WWC2: variants seen among roughly 807,000 people sequenced by gnomAD.
WWC2 encodes protein WWC2.
WWC2 carries 101 observed loss-of-function variants against 138.5 expected under a neutral mutation model. That is an observed-to-expected ratio of 0.73 (90% CI 0.62 to 0.86). WWC2 has a LOEUF of 0.86. Ranked by LOEUF, WWC2 falls within the 40% of genes least tolerant of loss-of-function variation. WWC2 has a pLI of 0.00. For synonymous variants in WWC2, 558 were observed against 538.4 expected (o/e 1.04, Z -0.50); for missense variants, 1,420 against 1,419.4 (o/e 1.00, Z -0.01).
In WWC2 at chr4:183,261,170, A is replaced by G; in HGVS notation, c.1547A>G (p.Gln516Arg). 1 of 1,613,866 alleles carries G rather than the reference A, an allele frequency of 6.2e-7. No homozygotes were observed. The highest frequency in any genetic ancestry group is 8.5e-7 in the Non-Finnish European group (1 of 1,179,830). The part of the protein sequence containing the change: ...HENEVVKSPS[Q>R]PGQSGLCGVA... Reference sequence around the variant, plus strand: ...AACGAGGTGGTCAAGTCCCCTAGCCAGCCTGGCCAGAGTGGACTCTGTGGA... The same window carrying G: ...AACGAGGTGGTCAAGTCCCCTAGCCGGCCTGGCCAGAGTGGACTCTGTGGA... Residue 516 changes from glutamine (Q) to arginine (R), a missense_variant, in exon 11 of 23, where the codon CAG (glutamine) becomes CGG (arginine). Transcript: ENST00000403733.
At chr4:183,311,743 A>AT (rs1739251638) in intron 21 of WWC2, among the ~76,000 whole-genome samples, 1 of 151,576 alleles carries the variant, frequency 6.6e-6, no homozygotes, top group Non-Finnish European at 1.5e-5. Context: ...CACCCGGCTA[A>AT]TTTTTTTATA....
At chr4:183,295,351 G>A (rs1187655579) in intron 21 of WWC2, among the ~76,000 whole-genome samples, 2 of 152,152 alleles carry the variant, frequency 1.3e-5, no homozygotes, top group African/African-American at 4.8e-5. Context: ...CCTTTTTTGA[G>A]TTTTGCTTGT....
chr4:183,105,908 A>ATTCTTTTTT (rs1743341069), intron 1 of WWC2, among the ~76,000 whole-genome samples: 2 of 151,840 alleles, frequency 1.3e-5, no homozygotes, highest in Non-Finnish European at 2.9e-5. Flanking sequence ...AAAAAAAAGA[A>ATTCTTTTTT]TTTTGGACTT....
At chr4:183,135,211 G>A (rs961310859) in intron 1 of WWC2, among the ~76,000 whole-genome samples, 2 of 151,938 alleles carry the variant, frequency 1.3e-5, no homozygotes, top group East Asian at 1.9e-4. Flanking sequence ...GAGCGACCCC[G>A]CCTGGCTGAT....
intron 1 of WWC2, among the ~76,000 whole-genome samples, chr4:183,115,903 A>G (rs934432187): frequency 6.6e-6 from 1 of 152,070 alleles, no homozygotes; most frequent in Non-Finnish European, 1.5e-5. Context: ...CTTTGTCATG[A>G]AATCTTTGCC....
intron 22 of WWC2, among the ~76,000 whole-genome samples, chr4:183,313,955 G>T (rs778295584): frequency 6.6e-6 from 1 of 151,656 alleles, no homozygotes; most frequent in Non-Finnish European, 1.5e-5. Context: ...TTGTATAGAC[G>T]AGTCTTTGGA....
rs1003327522 is a variant in WWC2, at chr4:183,285,900, A to G, written c.3049-67A>G. ...CCTGCTTTACTTGGTAAATGTCTCAATCCCAAACTTCCACTTGCACTCTGT... is the reference window on the plus strand; with the variant it reads ...CCTGCTTTACTTGGTAAATGTCTCAGTCCCAAACTTCCACTTGCACTCTGT... On this transcript the variant is annotated intron_variant, in intron 19 of 22. Transcript: ENST00000403733. The G allele has an allele frequency of 9.7e-6, 14 of 1,436,260 alleles. No individual in the cohort carries two copies. In the African/African-American group the frequency reaches 1.7e-4, roughly 17 times the overall value. 89.0% of individuals were successfully genotyped at this position (1,436,260 alleles called of 1,614,324 possible). A position where few individuals can be genotyped will look rare whatever the true frequency, so the allele number is the denominator to read the frequency against.
rs375108262 is a variant in WWC2 at position 183,289,656 on chromosome 4, C to T, written c.3384+21C>T. ...AGCAGGTACGCAGCTCAGGGTCTGTCATCTCGGAGGGGCTTACATCTTTTT... is the reference window on the plus strand; with the variant it reads ...AGCAGGTACGCAGCTCAGGGTCTGTTATCTCGGAGGGGCTTACATCTTTTT... On this transcript the variant is annotated intron_variant, in intron 21 of 22. Coordinates refer to ENST00000403733, the MANE Select transcript of WWC2 (RefSeq NM_024949.6). 58 of 1,610,490 alleles carry T rather than the reference C, an allele frequency of 3.6e-5. No individual in the cohort carries two copies. In the African/African-American group the frequency reaches 6.6e-4, roughly 18 times the overall value.
intron 22 of WWC2, among the ~76,000 whole-genome samples, chr4:183,315,089 T>C (rs1469089103): frequency 6.6e-6 from 1 of 152,114 alleles, no homozygotes; most frequent in African/African-American, 2.4e-5. Flanking sequence ...ACTGTTTGTC[T>C]TTTTTTTAAG....
At chr4:183,167,789 T>C (rs986819052) in intron 1 of WWC2, among the ~76,000 whole-genome samples, 10 of 151,860 alleles carry the variant, frequency 6.6e-5, no homozygotes, top group African/African-American at 2.2e-4. Flanking sequence ...TGAGTTGAGG[T>C]CAAATTTTGA....
chr4:183,268,653 A>G (rs113867528), intron 14 of WWC2, among the ~76,000 whole-genome samples: 4,948 of 152,220 alleles, frequency 0.033, 261 homozygotes, highest in African/African-American at 0.11. Context: ...TTGGCTGTCC[A>G]TGGGGCAGGT....
intron 1 of WWC2, among the ~76,000 whole-genome samples, chr4:183,171,466 A>G (rs1288865040): frequency 6.6e-6 from 1 of 152,216 alleles, no homozygotes; most frequent in Non-Finnish European, 1.5e-5. Flanking sequence ...TGAAAAATAT[A>G]CTTTACATAA....
At chr4:183,288,293 G>A (rs556775582) in intron 20 of WWC2, among the ~76,000 whole-genome samples, 7 of 152,238 alleles carry the variant, frequency 4.6e-5, no homozygotes, top group South Asian at 2.1e-4. Context: ...TCTGGCATGA[G>A]CACTACCATT....
chr4:183,264,875 A>G (rs1737442739), intron 11 of WWC2, 103 bp from the exon 12 acceptor site: 11 of 1,218,374 alleles, frequency 9.0e-6, no homozygotes, highest in Non-Finnish European at 1.2e-5. Flanking sequence ...TCCCAGAAGG[A>G]AATCTTATTT....
At chr4:183,268,828 C>T (rs1737595934) in intron 14 of WWC2, 143 bp from the exon 15 acceptor site, 2 of 926,652 alleles carry the variant, frequency 2.2e-6, no homozygotes, top group African/African-American at 3.3e-5. Flanking sequence ...TGAGCACGGA[C>T]CCGTGATGGC....
At chr4:183,311,737 C>T (rs1314725647) in intron 21 of WWC2, among the ~76,000 whole-genome samples, 7 of 151,928 alleles carry the variant, frequency 4.6e-5, no homozygotes, top group African/African-American at 1.5e-4. Flanking sequence ...CCACCACACC[C>T]GGCTAATTTT....
rs1184810240 is a variant in WWC2 at position 183,099,576 on chromosome 4, A to T, written c.85A>T (p.Ile29Phe). 1.4e-6 allele frequency: 2 copies of T among 1,411,134 alleles called. No individual in the cohort carries two copies. Among genetic ancestry groups the T allele is most frequent in the Non-Finnish European group, 1.9e-6 (2 of 1,065,830 alleles). The allele number at this position is 1,411,134 out of a possible 1,614,324, so 87.4% of individuals were successfully genotyped here. A position where few individuals can be genotyped will look rare whatever the true frequency, so the allele number is the denominator to read the frequency against. Reference sequence around the variant, plus strand: ...GGACTACGACGGCAAGGTCTTCTACATTGACCACAACACCAGGAGGACCAG... The same window carrying T: ...GGACTACGACGGCAAGGTCTTCTACTTTGACCACAACACCAGGAGGACCAG... The part of the protein sequence containing the change: ...ARDYDGKVFY[I>F]DHNTRRTSWI... The change falls in exon 1 of 23, where the codon ATT becomes TTT. Residue 29 changes from isoleucine to phenylalanine, a missense_variant. Transcript: ENST00000403733.
chr4:183,250,748 T>C (rs1736953771), intron 8 of WWC2, among the ~76,000 whole-genome samples: 1 of 152,190 alleles, frequency 6.6e-6, no homozygotes. Flanking sequence ...TAAAATGCCA[T>C]TGGGTTATTA....
chr4:183,311,652 T>A (rs28508565), intron 21 of WWC2, among the ~76,000 whole-genome samples: 2,052 of 148,584 alleles, frequency 0.014, 42 homozygotes, highest in African/African-American at 0.048. Context: ...CGATCTCGGC[T>A]CACTGCAAGC....
Sources: allele counts gnomAD v4.1 joint callset (sites outside exome capture counted in the v4.1 genomes callset), GRCh38; gene constraint gnomAD v4.1.1; transcripts MANE v1.5; gene names NCBI Gene and HGNC (gene_info 2026-07-23, HGNC 2026-07-21).